CPNE9: variants seen among roughly 807,000 people sequenced by gnomAD.
CPNE9 encodes copine-9.
CPNE9 carries 59 observed loss-of-function variants against 83.0 expected under a neutral mutation model. The observed-to-expected ratio is 0.71, with a 90% CI of 0.58 to 0.88. CPNE9 has a LOEUF of 0.88. Ranked by LOEUF, CPNE9 falls within the 40% of genes least tolerant of loss-of-function variation. CPNE9 has a pLI of 0.00. For synonymous variants in CPNE9, 256 were observed against 273.4 expected (o/e 0.94, Z 0.63); for missense variants, 619 against 720.8 (o/e 0.86, Z 1.62).
In CPNE9 at chr3:9,725,337, C is replaced by G. The variant is rs541584513; in HGVS notation, c.1242-612C>G. ...ATCACTTGAGGTCAGGAGTTTGAGA[C>G]CAGCCTGGCCAACATGGTGAAACCT... On this transcript the variant is annotated intron_variant, in intron 17 of 20. Coordinates refer to ENST00000383832, the MANE Select transcript of CPNE9 (RefSeq NM_153635.3). Among the ~76,000 whole-genome samples the G allele has an allele frequency of 5.1e-4, 78 of 151,952 alleles. 1 individual carries two copies. Among genetic ancestry groups the G allele is most frequent in the African/African-American group, 1.8e-3 (76 of 41,442 alleles).
At chr3:9,715,603 G>C in intron 13 of CPNE9, 77 bp downstream of exon 13, 4 of 1,257,208 alleles carry the variant, frequency 3.2e-6, no homozygotes, top group Non-Finnish European at 4.7e-6. Flanking sequence ...GGCAAATATC[G>C]AGGGCAGGGC....
At chr3:9,705,879 C>A in intron 6 of CPNE9, 108 bp from the exon 7 acceptor site, 1 of 1,386,564 alleles carries the variant, frequency 7.2e-7, no homozygotes, top group Non-Finnish European at 1.0e-6. Context: ...TCTTGCACCA[C>A]TCATTCGCCT....
In CPNE9 at chr3:9,712,611, A is replaced by G; in HGVS notation, c.441+7A>G. The G allele has an allele frequency of 1.2e-6, 2 of 1,613,652 alleles. No individual in the cohort carries two copies. The highest frequency in any genetic ancestry group is 8.5e-7 in the Non-Finnish European group (1 of 1,179,560). On this transcript the variant is annotated splice_region_variant and intron_variant, in intron 8 of 20. Coordinates refer to ENST00000383832, the MANE Select transcript of CPNE9 (RefSeq NM_153635.3). ...AGAGCTTAGCAATTGTCGGGTCAGTAAGGGCCACATGCTAGACCCAGGAGC... is the reference window on the plus strand; with the variant it reads ...AGAGCTTAGCAATTGTCGGGTCAGTGAGGGCCACATGCTAGACCCAGGAGC...
intron 4 of CPNE9, 137 bp from the exon 5 acceptor site, chr3:9,705,327 A>G: frequency 1.4e-6 from 1 of 708,334 alleles, no homozygotes; most frequent in East Asian, 2.7e-5. Context: ...TCCTCCCCAA[A>G]AGGAGACCAA....
intron 6 of CPNE9, 41 bp from the exon 7 acceptor site, chr3:9,705,946 C>T (rs1362910700): frequency 6.2e-7 from 1 of 1,601,334 alleles, no homozygotes; most frequent in Non-Finnish European, 8.5e-7. Flanking sequence ...GGACTCAGCA[C>T]TCAAGAGCTT....
Position 9,704,508 on chromosome 3 carries a change from T to C in CPNE9, c.69-79T>C. 1 of 1,260,744 alleles carries C rather than the reference T, an allele frequency of 7.9e-7. No individual in the cohort carries two copies. Among genetic ancestry groups the C allele is most frequent in the Non-Finnish European group, 1.2e-6 (1 of 857,678 alleles). 78.1% of individuals were successfully genotyped at this position (1,260,744 alleles called of 1,614,324 possible). On this transcript the variant is annotated intron_variant, in intron 1 of 20. Transcript: ENST00000383832. The surrounding 1 kb of genome is among the most constrained non-coding windows in gnomAD (Gnocchi z 7.1). ...TTCGATGCGGGCCCCATGCCTCTCC[T>C]CAGTGCCCGGCTCAGAGCCGACTCG...
chr3:9,703,894 C>A lies in CPNE9; in HGVS notation c.-103C>A, dbSNP rs2076530228. On this transcript the variant is annotated 5_prime_UTR_variant, in exon 1 of 21. Coordinates refer to ENST00000383832, the MANE Select transcript of CPNE9 (RefSeq NM_153635.3). ...CTGGAGCGAGTGCAGCCGCCGCCGCCGCCGACACCGCGGCACATGGGCCGG... is the reference window on the plus strand; with the variant it reads ...CTGGAGCGAGTGCAGCCGCCGCCGCAGCCGACACCGCGGCACATGGGCCGG... The A allele has an allele frequency of 4.2e-5, 41 of 976,476 alleles. No homozygotes were observed. The highest frequency in any genetic ancestry group is 2.2e-4 in the Admixed American group (6 of 27,012). 60.5% of individuals were successfully genotyped at this position (976,476 alleles called of 1,614,324 possible).
At chr3:9,715,893 CA>C (rs1267479317) in intron 13 of CPNE9, 80 bp from the exon 14 acceptor site, 6 of 1,245,728 alleles carry the variant, frequency 4.8e-6, no homozygotes, top group Non-Finnish European at 6.9e-6. Flanking sequence ...TGCCTCTTTC[CA>C]AGCCCCTATG....
chr3:9,724,999 C>T (rs547627836), intron 17 of CPNE9, among the ~76,000 whole-genome samples: 2 of 152,004 alleles, frequency 1.3e-5, no homozygotes, highest in African/African-American at 2.4e-5. Flanking sequence ...TCAAGTGATC[C>T]GCCCACCTCG....
At chr3:9,705,546 C>T in intron 5 of CPNE9, 46 bp downstream of exon 5, 1 of 1,602,278 alleles carries the variant, frequency 6.2e-7, no homozygotes, top group Non-Finnish European at 8.5e-7. Context: ...ACAGGAGGCA[C>T]TTAGATGTGT....
intron 20 of CPNE9, 115 bp from the exon 21 acceptor site, chr3:9,729,392 G>A (rs902458116): frequency 3.6e-6 from 5 of 1,397,688 alleles, no homozygotes; most frequent in Middle Eastern, 2.0e-4. Flanking sequence ...TGGAGAGGGA[G>A]ATACTGTGAT....
At chr3:9,725,481 G>A (rs951855432) in intron 17 of CPNE9, among the ~76,000 whole-genome samples, 3 of 151,052 alleles carry the variant, frequency 2.0e-5, no homozygotes, top group African/African-American at 7.3e-5. Context: ...GTTGCAGTGA[G>A]CCGAGATCAC....
intron 7 of CPNE9, among the ~76,000 whole-genome samples, chr3:9,709,777 G>A (rs545176062): frequency 2.0e-5 from 3 of 151,888 alleles, no homozygotes; most frequent in African/African-American, 4.8e-5. Flanking sequence ...ATCACCTGAG[G>A]TCAGGAGTTC....
chr3:9,714,789 G>A (rs1210089687), intron 10 of CPNE9, 125 bp from the exon 11 acceptor site: 5 of 810,464 alleles, frequency 6.2e-6, no homozygotes, highest in Non-Finnish European at 1.0e-5. Context: ...CAGGTTGAAA[G>A]ATGAACAACT....
chr3:9,711,059 C>T (rs988719021), intron 7 of CPNE9, among the ~76,000 whole-genome samples: 1 of 151,908 alleles, frequency 6.6e-6, no homozygotes, highest in African/African-American at 2.4e-5. Flanking sequence ...AAAAAAGAGA[C>T]AGGATGCAAG....
At chr3:9,716,926 C>G in intron 14 of CPNE9, 132 bp from the exon 15 acceptor site, 4 of 934,914 alleles carry the variant, frequency 4.3e-6, no homozygotes, top group Non-Finnish European at 6.7e-6. Flanking sequence ...TTAGGCTCTA[C>G]CCAGACCATC....
chr3:9,726,191 A>G, intron 18 of CPNE9, 140 bp downstream of exon 18: 1 of 565,896 alleles, frequency 1.8e-6, no homozygotes, highest in Non-Finnish European at 3.2e-6. Flanking sequence ...CTCTTGGATT[A>G]GAGATAGAGG....
intron 14 of CPNE9, 28 bp from the exon 15 acceptor site, chr3:9,717,030 C>T (rs2076689996): frequency 6.2e-7 from 1 of 1,612,212 alleles, no homozygotes; most frequent in Admixed American, 1.7e-5. Context: ...TAGTTCCTCA[C>T]TTCTCAATTC....
At chr3:9,707,447 T>C (rs960873912) in intron 7 of CPNE9, among the ~76,000 whole-genome samples, 1 of 150,682 alleles carries the variant, frequency 6.6e-6, no homozygotes, top group Non-Finnish European at 1.5e-5. Flanking sequence ...TCCAGGATGC[T>C]ACCAGTGAAG....
Sources: gnomAD v4.1 joint callset for allele counts (sites outside exome capture counted in the v4.1 genomes callset) on GRCh38, gnomAD v4.1.1 for gene constraint, Gnocchi (gnomAD v3.1) non-coding constraint, MANE v1.5 for transcripts, NCBI Gene and HGNC (gene_info 2026-07-23, HGNC 2026-07-21) for gene names.